SEMA4A: variants seen among roughly 807,000 people sequenced by gnomAD.
SEMA4A encodes the protein semaphorin 4A.
SEMA4A carries 52 observed loss-of-function variants against 72.5 expected under a neutral mutation model. That is an observed-to-expected ratio of 0.72 (90% CI 0.57 to 0.90). The LOEUF is 0.90. SEMA4A is among the 40% of genes least tolerant of loss of function. The probability of loss-of-function intolerance (pLI) is 0.00; values close to 1 mark genes in which losing one functional copy is unlikely to be tolerated. For synonymous variants in SEMA4A, 369 were observed against 393.1 expected (o/e 0.94, Z 0.73); for missense variants, 926 against 959.7 (o/e 0.96, Z 0.46).
In SEMA4A at chr1:156,164,669, C is replaced by T. The variant is rs560327034; in HGVS notation, c.1134+1575C>T. Among the ~76,000 whole-genome samples, 206 of 152,260 alleles carry T rather than the reference C, an allele frequency of 1.4e-3. 2 individuals are homozygous for T. Among genetic ancestry groups the T allele is most frequent in the Non-Finnish European group, 2.6e-3 (176 of 68,024 alleles). Reference sequence around the variant, plus strand: ...GGTTAGATCAATATTTATATTATGACTCTTCTTATTCACAGCCTAGCCAGG... The same window carrying T: ...GGTTAGATCAATATTTATATTATGATTCTTCTTATTCACAGCCTAGCCAGG... On this transcript the variant is annotated intron_variant, in intron 10 of 14. Coordinates refer to ENST00000368285, the MANE Select transcript of SEMA4A (RefSeq NM_022367.4).
chr1:156,153,327 T>G (rs890768136), upstream of SEMA4A: 6 of 152,274 alleles, frequency 3.9e-5, no homozygotes, highest in African/African-American at 1.4e-4. Flanking sequence ...TGGGAAATCT[T>G]AAGCAAGAGA....
rs1270191925 is a variant in SEMA4A, at chr1:156,176,454, C to T, written c.1743C>T (p.Pro581=). The change falls in exon 15 of 15, where the codon CCC becomes CCT. Residue 581 remains proline, a synonymous_variant. Coordinates refer to ENST00000368285, the MANE Select transcript of SEMA4A (RefSeq NM_022367.4). ...VPNSILELPC[P]HLSALASYYW... ...ACTCCATCCTGGAGCTCCCCTGCCCCCACCTGTCAGCCTTGGCCTCTTATT... is the reference window on the plus strand; with the variant it reads ...ACTCCATCCTGGAGCTCCCCTGCCCTCACCTGTCAGCCTTGGCCTCTTATT... 6 of 1,614,168 alleles carry T rather than the reference C, an allele frequency of 3.7e-6. No homozygotes were observed. The highest frequency in any genetic ancestry group is 5.1e-6 in the Non-Finnish European group (6 of 1,180,036).
At chr1:156,164,047 T>TGA (rs1653935060) in intron 10 of SEMA4A, among the ~76,000 whole-genome samples, 1 of 61,848 alleles carries the variant, frequency 1.6e-5, no homozygotes, top group South Asian at 4.5e-4. Flanking sequence ...AGTTTTTAAA[T>TGA]GAAAAAAAAA....
At chr1:156,161,130 C>A (rs1277831234) in intron 8 of SEMA4A, 101 bp downstream of exon 8, 5 of 758,174 alleles carry the variant, frequency 6.6e-6, no homozygotes, top group Non-Finnish European at 9.3e-6. Flanking sequence ...AGCGGGGGAG[C>A]GGGGCGGGGA....
In SEMA4A at chr1:156,160,900, C is replaced by A; in HGVS notation, c.686-5C>A. On this transcript the variant is annotated splice_region_variant and splice_polypyrimidine_tract_variant and intron_variant, in intron 7 of 14. Coordinates refer to ENST00000368285, the MANE Select transcript of SEMA4A (RefSeq NM_022367.4). ...TCCCTAAGCCCATCTGCCCCTCCCC[C>A]GCAGATGACGCCTCCTTTGTGGCAG... The A allele has an allele frequency of 1.9e-6, 3 of 1,613,674 alleles. No homozygotes were observed. The highest frequency in any genetic ancestry group is 2.5e-6 in the Non-Finnish European group (3 of 1,179,932).
upstream of SEMA4A, among the ~76,000 whole-genome samples, chr1:156,152,692 G>A (rs549875279): frequency 2.0e-5 from 3 of 152,308 alleles, no homozygotes; most frequent in African/African-American, 7.2e-5. Flanking sequence ...ATAAGGAGTA[G>A]CCTGAGCTGT....
At chr1:156,151,834 G>A (rs1260857263), upstream of SEMA4A, among the ~76,000 whole-genome samples, 132 of 93,640 alleles carry the variant, frequency 1.4e-3, no homozygotes, top group Non-Finnish European at 1.7e-3. Flanking sequence ...GCAACACTTC[G>A]TCTCAAAAAA....
At position 156,160,995 on chromosome 1, in the gene SEMA4A, G is replaced by A. The variant is rs1653554818; in HGVS notation, c.776G>A (p.Arg259Lys). The change falls in exon 8 of 15, where the codon AGG (arginine) becomes AAG (lysine). Residue 259 changes from arginine to lysine, a missense_variant. Arg to Lys is a conservative substitution (Grantham distance 26). Coordinates refer to ENST00000368285, the MANE Select transcript of SEMA4A (RefSeq NM_022367.4). ...GCCAGCGAGTTTGACTTCTTTGAGA[G>A]GCTCCACACATCGCGGGTGGCTAGA... ...ETASEFDFFE[R>K]LHTSRVARVC... The A allele has an allele frequency of 1.9e-6, 3 of 1,611,478 alleles. No individual in the cohort carries two copies. Among genetic ancestry groups the A allele is most frequent in the African/African-American group, 1.4e-5 (1 of 73,974 alleles).
At chr1:156,168,291 G>C (rs374557790) in intron 10 of SEMA4A, among the ~76,000 whole-genome samples, 8 of 146,448 alleles carry the variant, frequency 5.5e-5, no homozygotes, top group Non-Finnish European at 1.1e-4. Flanking sequence ...GCACGATCTC[G>C]GCTCACTGCA....
intron 11 of SEMA4A, among the ~76,000 whole-genome samples, chr1:156,173,399 G>C (rs987118263): frequency 6.6e-6 from 1 of 152,156 alleles, no homozygotes; most frequent in Admixed American, 6.5e-5. Context: ...CTGGAGCACG[G>C]AGTGGGGCGC....
rs758770372 is a variant in SEMA4A at position 156,154,680 on chromosome 1, C to T, written c.102C>T (p.Gly34=). The T allele has an allele frequency of 1.1e-5, 18 of 1,595,390 alleles. No homozygotes were observed. The highest frequency in any genetic ancestry group is 7.1e-5 in the Admixed American group (4 of 56,280). The change falls in exon 2 of 15, where the codon GGC becomes GGT. Residue 34 remains glycine (G), a synonymous_variant. Coordinates refer to ENST00000368285, the MANE Select transcript of SEMA4A (RefSeq NM_022367.4). ...TGCCGACGACGACCGCGGGGGGAGG[C>T]GGGCAGGGGCCCATGCCCAGGGTCA... The part of the protein sequence containing the change: ...LLLPTTTAGG[G]GQGPMPRVRY...
At chr1:156,164,107 T>C (rs1393853808) in intron 10 of SEMA4A, among the ~76,000 whole-genome samples, 1 of 150,790 alleles carries the variant, frequency 6.6e-6, no homozygotes, top group Non-Finnish European at 1.5e-5. Flanking sequence ...TTTTCTCCTC[T>C]ACAAAAAGAG....
intron 11 of SEMA4A, among the ~76,000 whole-genome samples, chr1:156,174,111 CA>C (rs369211667): frequency 1.2e-4 from 17 of 144,142 alleles, no homozygotes; most frequent in Non-Finnish European, 1.4e-4. Flanking sequence ...AAATCCGTCT[CA>C]AAAAAAAAAA....
upstream of SEMA4A, among the ~76,000 whole-genome samples, chr1:156,149,300 A>G (rs1358771925): frequency 1.3e-5 from 2 of 152,108 alleles, no homozygotes; most frequent in Non-Finnish European, 2.9e-5. Context: ...TTCTTTCCCT[A>G]TGTCCATCTA....
At chr1:156,163,253 A>C in intron 10 of SEMA4A, 159 bp downstream of exon 10, 1 of 766,548 alleles carries the variant, frequency 1.3e-6, no homozygotes, top group South Asian at 1.6e-5. Context: ...CCTATATTCC[A>C]CATGTGCCTA....
chr1:156,160,571 A>AC lies in SEMA4A; in HGVS notation c.685+17dup. 3 of 1,608,640 alleles carry AC rather than the reference A, an allele frequency of 1.9e-6. No homozygotes were observed. The highest frequency in any genetic ancestry group is 1.7e-6 in the Non-Finnish European group (2 of 1,175,198). ...CCGCTGGCTGCATCGTAAGGACCTGACCCCCGCTGGCCTCCTTTCCTGAGT... is the reference window on the plus strand; with the variant it reads ...CCGCTGGCTGCATCGTAAGGACCTGACCCCCCGCTGGCCTCCTTTCCTGAGT... On this transcript the variant is annotated intron_variant, in intron 7 of 14. Transcript: ENST00000368285.
intron 2 of SEMA4A, 135 bp downstream of exon 2, chr1:156,154,852 A>G: frequency 9.1e-7 from 1 of 1,093,084 alleles, no homozygotes; most frequent in South Asian, 1.5e-5. Flanking sequence ...CCAGGGAGAA[A>G]CAGAGGATCT....
At chr1:156,163,230 C>T (rs991415154) in intron 10 of SEMA4A, 136 bp downstream of exon 10, 1 of 945,556 alleles carries the variant, frequency 1.1e-6, no homozygotes, top group Admixed American at 2.1e-5. Flanking sequence ...CAGACGTACA[C>T]CTGGTATAGC....
In SEMA4A at chr1:156,157,766, T is replaced by G. The variant is rs1279974606; in HGVS notation, c.301-304T>G. On this transcript the variant is annotated intron_variant, in intron 3 of 14. Transcript: ENST00000368285. The surrounding 1 kb of genome is among the most constrained non-coding windows in gnomAD (Gnocchi z 4.5). ...TAGGTGTTTTGTATATGCCACCTGG[T>G]TGTATCTGCCAGTAGCCTATGAAAT... Among the ~76,000 whole-genome samples the G allele has an allele frequency of 6.6e-6, 1 of 152,232 alleles. No homozygotes were observed. The highest frequency in any genetic ancestry group is 2.4e-5 in the African/African-American group (1 of 41,460).
Sources: gnomAD v4.1 joint callset for allele counts (sites outside exome capture counted in the v4.1 genomes callset) on GRCh38, gnomAD v4.1.1 for gene constraint, Gnocchi (gnomAD v3.1) non-coding constraint, MANE v1.5 for transcripts, NCBI Gene and HGNC (gene_info 2026-07-23, HGNC 2026-07-21) for gene names.